MAGI2: variants seen among roughly 807,000 people sequenced by gnomAD.
MAGI2 encodes membrane-associated guanylate kinase, WW and PDZ domain-containing protein 2.
Under a neutral mutation model 133.3 loss-of-function variants are expected in MAGI2, and 35 were observed. The observed-to-expected ratio is 0.26, with a 90% confidence interval of 0.20 to 0.35. MAGI2 has a LOEUF of 0.35. Ranked by LOEUF, MAGI2 falls within the 10% of genes least tolerant of loss-of-function variation. The pLI, the probability that MAGI2 is intolerant of heterozygous loss-of-function variation, is 1.00. For missense variants in MAGI2, 1,636 were observed against 1,863.4 expected (o/e 0.88, Z 2.25); for synonymous variants, 729 against 710.6 (o/e 1.03, Z -0.41).
At chr7:78,500,425 C>T (rs1015761031) in intron 5 of MAGI2, among the ~76,000 whole-genome samples, 4 of 152,126 alleles carry the variant, frequency 2.6e-5, no homozygotes, top group African/African-American at 9.7e-5. Flanking sequence ...GTTGTTCATT[C>T]ACATTAGTTT....
Position 78,391,623 on chromosome 7 carries a change from A to T in MAGI2, c.1046-22410T>A, listed in dbSNP as rs1312798872. Among the ~76,000 whole-genome samples the T allele has an allele frequency of 3.3e-5, 5 of 152,362 alleles. No homozygotes were observed. The South Asian group carries it at 1.0e-3, about 32-fold the overall frequency. On this transcript the variant is annotated intron_variant, in intron 6 of 21. Coordinates refer to ENST00000354212, the MANE Select transcript of MAGI2 (RefSeq NM_012301.4). ...ATTAATTTTACCCAATTAATATGTC[A>T]TTCTGTGACAATGACAGAAATATCA...
intron 10 of MAGI2, among the ~76,000 whole-genome samples, chr7:78,231,121 A>G (rs1405773444): frequency 6.6e-6 from 1 of 152,242 alleles, no homozygotes; most frequent in Admixed American, 6.5e-5. Context: ...TAATGATTCA[A>G]TAGGGTCTAA....
At chr7:78,460,572 C>A (rs1422404297) in intron 6 of MAGI2, among the ~76,000 whole-genome samples, 1 of 152,132 alleles carries the variant, frequency 6.6e-6, no homozygotes, top group African/African-American at 2.4e-5. Context: ...ACAGTGTGGT[C>A]TAAGAAGGGG....
At chr7:79,254,565 C>T (rs192784089) in intron 1 of MAGI2, among the ~76,000 whole-genome samples, 40 of 152,262 alleles carry the variant, frequency 2.6e-4, no homozygotes, top group African/African-American at 8.4e-4. Flanking sequence ...CAGTTGTATG[C>T]TTCTATAAAT....
intron 3 of MAGI2, among the ~76,000 whole-genome samples, chr7:78,613,763 A>G (rs38103): frequency 0.68 from 103,287 of 152,066 alleles, 35,486 homozygotes; most frequent in Middle Eastern, 0.8. Flanking sequence ...AAATGTGACA[A>G]TATAATAGGC....
chr7:79,287,324 T>A (rs1014279115), intron 1 of MAGI2, among the ~76,000 whole-genome samples: 1 of 152,232 alleles, frequency 6.6e-6, no homozygotes, highest in East Asian at 1.9e-4. Flanking sequence ...TATATCCCTA[T>A]ATTAATATTA....
At chr7:79,019,569 T>A (rs556826835) in intron 1 of MAGI2, among the ~76,000 whole-genome samples, 119 of 151,934 alleles carry the variant, frequency 7.8e-4, no homozygotes, top group African/African-American at 2.8e-3. Flanking sequence ...TTTTTTGAGA[T>A]GGAGTCTTGC....
At chr7:79,244,552 A>G (rs1374833462) in intron 1 of MAGI2, among the ~76,000 whole-genome samples, 2 of 152,186 alleles carry the variant, frequency 1.3e-5, no homozygotes, top group African/African-American at 4.8e-5. Flanking sequence ...CCATAGAGGG[A>G]GCATTTAGAC....
intron 6 of MAGI2, among the ~76,000 whole-genome samples, chr7:78,406,857 C>G (rs1583941917): frequency 1.3e-5 from 2 of 152,138 alleles, no homozygotes; most frequent in Admixed American, 1.3e-4. Context: ...ACATATAATA[C>G]TACATAGCTT....
chr7:79,393,754 C>T (rs1844839208), intron 1 of MAGI2, among the ~76,000 whole-genome samples: 1 of 152,144 alleles, frequency 6.6e-6, no homozygotes, highest in African/African-American at 2.4e-5. Flanking sequence ...TTCTAATTCT[C>T]CTCCTCCAAT....
chr7:78,217,613 T>A (rs1468133395), intron 10 of MAGI2, among the ~76,000 whole-genome samples: 1 of 152,196 alleles, frequency 6.6e-6, no homozygotes, highest in Non-Finnish European at 1.5e-5. Flanking sequence ...TCTGATGGCA[T>A]CCCAGGCATG....
intron 1 of MAGI2, among the ~76,000 whole-genome samples, chr7:79,159,456 GC>G (rs1824139903): frequency 6.7e-6 from 1 of 150,306 alleles, no homozygotes; most frequent in Non-Finnish European, 1.5e-5. Context: ...GACAGAGGTT[GC>G]GGGTGAGCTG....
chr7:79,315,987 T>C (rs2129561156), intron 1 of MAGI2, among the ~76,000 whole-genome samples: 1 of 152,170 alleles, frequency 6.6e-6, no homozygotes, highest in Non-Finnish European at 1.5e-5. Context: ...CCTGGGCAAG[T>C]TATTTAACTC....
intron 9 of MAGI2, among the ~76,000 whole-genome samples, chr7:78,340,343 CCAGA>C (rs1790233726): frequency 6.6e-6 from 1 of 152,020 alleles, no homozygotes; most frequent in Admixed American, 6.6e-5. Flanking sequence ...ATGTCCAGGA[CCAGA>C]CAGATTCACA....
At chr7:79,350,159 G>C (rs1841595406) in intron 1 of MAGI2, among the ~76,000 whole-genome samples, 1 of 152,094 alleles carries the variant, frequency 6.6e-6, no homozygotes, top group Non-Finnish European at 1.5e-5. Flanking sequence ...ACTGTGAGGA[G>C]TCATGAAATA....
intron 1 of MAGI2, among the ~76,000 whole-genome samples, chr7:79,050,799 GTGCCTGACTCTGAAT>G (rs1210483822): frequency 2.0e-5 from 3 of 152,170 alleles, no homozygotes; most frequent in Non-Finnish European, 4.4e-5. Flanking sequence ...ACTTTCTTGT[GTGCCTGACTCTGAAT>G]TCCTGCTTTT....
chr7:79,003,745 T>C (rs1376225001), intron 2 of MAGI2, among the ~76,000 whole-genome samples: 1 of 152,056 alleles, frequency 6.6e-6, no homozygotes, highest in Non-Finnish European at 1.5e-5. Context: ...AGTGAACAAA[T>C]AACCCAACTA....
In MAGI2 at chr7:78,667,238, C is replaced by A. The variant is rs1401780762; in HGVS notation, c.419-39999G>T. ...CATGTTGTCCTTTTATGTCCACACC[C>A]CTGCCCAATCCCCTCATTATTCCAT... On this transcript the variant is annotated intron_variant, in intron 2 of 21. Coordinates refer to ENST00000354212, the MANE Select transcript of MAGI2 (RefSeq NM_012301.4). Among the ~76,000 whole-genome samples the A allele has an allele frequency of 2.0e-5, 3 of 151,930 alleles. No individual in the cohort carries two copies. In the East Asian group the frequency reaches 5.8e-4, roughly 29 times the overall value.
At chr7:79,239,756 A>C (rs1832240048) in intron 1 of MAGI2, among the ~76,000 whole-genome samples, 2 of 152,232 alleles carry the variant, frequency 1.3e-5, no homozygotes, top group African/African-American at 4.8e-5. Context: ...ATTCTGTGTA[A>C]GTACAGACAA....
Sources: gnomAD v4.1 joint callset for allele counts (sites outside exome capture counted in the v4.1 genomes callset) on GRCh38, gnomAD v4.1.1 for gene constraint, MANE v1.5 for transcripts, NCBI Gene and HGNC (gene_info 2026-07-23, HGNC 2026-07-21) for gene names.